The following LRTM1 variants were observed in gnomAD, a reference collection of about 807,000 sequenced individuals.
LRTM1 encodes leucine-rich repeat and transmembrane domain-containing protein 1.
Under a neutral mutation model 32.4 loss-of-function variants are expected in LRTM1, and 38 were observed. The ratio of observed to expected loss-of-function variants is 1.17; its 90% CI spans 0.91 to 1.54. LRTM1 has a LOEUF of 1.54. Ranked by LOEUF, LRTM1 falls within the 40% of genes most tolerant of loss-of-function variation. LRTM1 has a pLI of 0.00. For missense variants in LRTM1, 466 were observed against 415.4 expected (o/e 1.12, Z -1.06); for synonymous variants, 186 against 169.9 (o/e 1.09, Z -0.74).
chr3:54,958,745 C>G (rs1701962647), intron 1 of LRTM1, among the ~76,000 whole-genome samples: 1 of 152,018 alleles, frequency 6.6e-6, no homozygotes, highest in Non-Finnish European at 1.5e-5. Flanking sequence ...GAGATCACCC[C>G]AGGTCATTGC....
At chr3:54,949,777 A>G (rs1701709465) in intron 1 of LRTM1, among the ~76,000 whole-genome samples, 1 of 147,804 alleles carries the variant, frequency 6.8e-6, no homozygotes, top group Non-Finnish European at 1.5e-5. Flanking sequence ...AGATAGATGC[A>G]TCCTTAGGCT....
At chr3:54,958,468 G>A (rs1329043374) in intron 1 of LRTM1, among the ~76,000 whole-genome samples, 1 of 152,214 alleles carries the variant, frequency 6.6e-6, no homozygotes, top group African/African-American at 2.4e-5. Context: ...AACCTTGATA[G>A]TCTTAGAAGT....
chr3:54,964,300 G>A (rs909173214), intron 1 of LRTM1, among the ~76,000 whole-genome samples: 6 of 152,172 alleles, frequency 3.9e-5, no homozygotes, highest in Admixed American at 1.3e-4. Flanking sequence ...CAGGGAGGGA[G>A]CCCTGGGACA....
chr3:54,947,197 C>T (rs1486311807), intron 1 of LRTM1, among the ~76,000 whole-genome samples: 1 of 152,136 alleles, frequency 6.6e-6, no homozygotes, highest in East Asian at 1.9e-4. Context: ...AAGTAACTTG[C>T]CTAAATCCCT....
chr3:54,938,582 C>A (rs1445024759), intron 1 of LRTM1, among the ~76,000 whole-genome samples: 1 of 152,128 alleles, frequency 6.6e-6, no homozygotes. Context: ...GAATTTGAAT[C>A]ATGCCCTGGG....
upstream of LRTM1, among the ~76,000 whole-genome samples, chr3:54,932,349 ATACGCG>A (rs144227495): frequency 0.013 from 2,042 of 152,270 alleles, 44 homozygotes; most frequent in African/African-American, 0.046. Flanking sequence ...AACCCTATAA[ATACGCG>A]TTGGTTTGTC....
upstream of LRTM1, among the ~76,000 whole-genome samples, chr3:54,932,857 G>C (rs1701225546): frequency 6.6e-6 from 1 of 152,200 alleles, no homozygotes; most frequent in South Asian, 2.1e-4. Flanking sequence ...CAGGAATAGT[G>C]GGGAGTAGGC....
intron 1 of LRTM1, among the ~76,000 whole-genome samples, chr3:54,938,888 A>G (rs1007072127): frequency 1.3e-5 from 2 of 152,122 alleles, no homozygotes; most frequent in African/African-American, 4.8e-5. Flanking sequence ...TGCCATGGGC[A>G]GTGGACATGC....
chr3:54,966,831 A>T lies in LRTM1; in HGVS notation c.-222+97T>A, dbSNP rs546659514. 2.6e-5 allele frequency: 4 copies of T among 152,432 alleles called. No homozygotes were observed. In the East Asian group the frequency reaches 7.7e-4, roughly 29 times the overall value. 9.4% of individuals were successfully genotyped at this position (152,432 alleles called of 1,614,324 possible). Reference sequence around the variant, plus strand: ...GAGATTCTGTCTCAAACAAACAAACAAACAAACGATTCGCATAGGTGTTAC... The same window carrying T: ...GAGATTCTGTCTCAAACAAACAAACTAACAAACGATTCGCATAGGTGTTAC... On this transcript the variant is annotated intron_variant, in intron 1 of 2. Transcript: ENST00000493075.
intron 1 of LRTM1, among the ~76,000 whole-genome samples, chr3:54,927,583 T>G (rs1453406956): frequency 2.0e-5 from 3 of 152,174 alleles, no homozygotes; most frequent in Non-Finnish European, 2.9e-5. Flanking sequence ...GTAGCCAATT[T>G]GTTCATTCTT....
exon 1 of LRTM1, chr3:54,967,035 C>T (rs1702168450): frequency 6.6e-6 from 1 of 152,210 alleles, no homozygotes; most frequent in African/African-American, 2.4e-5. Context: ...ACGAAGGACA[C>T]TTAAGGCAGA....
chr3:54,950,496 T>G (rs767562690), intron 1 of LRTM1, among the ~76,000 whole-genome samples: 4 of 152,172 alleles, frequency 2.6e-5, no homozygotes, highest in Non-Finnish European at 4.4e-5. Context: ...TGACAATAAT[T>G]ATAATTAAGA....
chr3:54,935,702 A>G (rs915373545), intron 1 of LRTM1, among the ~76,000 whole-genome samples: 1 of 152,174 alleles, frequency 6.6e-6, no homozygotes, highest in Non-Finnish European at 1.5e-5. Context: ...CTATAACGTG[A>G]TAGTTCAGTT....
intron 1 of LRTM1, among the ~76,000 whole-genome samples, chr3:54,943,463 A>G (rs1913914): frequency 6.6e-6 from 1 of 152,070 alleles, no homozygotes; most frequent in Non-Finnish European, 1.5e-5. Flanking sequence ...CACCAACATG[A>G]CTGTATGCCC....
chr3:54,951,214 G>A (rs1416143163), intron 1 of LRTM1, among the ~76,000 whole-genome samples: 1 of 152,168 alleles, frequency 6.6e-6, no homozygotes, highest in East Asian at 1.9e-4. Flanking sequence ...TGCTTGTGCT[G>A]CACTTTGGTG....
chr3:54,933,102 TTCCTTCC>T (rs1701242681), intron 1 of LRTM1, among the ~76,000 whole-genome samples: 1 of 114,658 alleles, frequency 8.7e-6, no homozygotes, highest in Non-Finnish European at 1.9e-5. Context: ...CCTTCCTTCC[TTCCTTCC>T]TTCCTTCTTT....
chr3:54,918,902 A>G lies in LRTM1; in HGVS notation c.605-10T>C. 6.6e-7 allele frequency: 1 copy of G among 1,516,082 alleles called. No homozygotes were observed. The highest frequency in any genetic ancestry group is 8.8e-7 in the Non-Finnish European group (1 of 1,132,010). The allele number at this position is 1,516,082 out of a possible 1,614,324, so 93.9% of individuals were successfully genotyped here. A position where few individuals can be genotyped will look rare whatever the true frequency, so the allele number is the denominator to read the frequency against. On this transcript the variant is annotated splice_polypyrimidine_tract_variant and intron_variant, in intron 2 of 2. Coordinates refer to ENST00000273286, the MANE Select transcript of LRTM1 (RefSeq NM_020678.4). ...CCGTCTGTTAGTCCCCCTTTAAAAA[A>G]CAAAAGCAAAGAACAATAACAAAGC...
At chr3:54,958,159 A>G (rs1359030077) in intron 1 of LRTM1, among the ~76,000 whole-genome samples, 1 of 152,224 alleles carries the variant, frequency 6.6e-6, no homozygotes, top group Non-Finnish European at 1.5e-5. Flanking sequence ...ATAATATAAA[A>G]TGTCATTTAA....
intron 1 of LRTM1, among the ~76,000 whole-genome samples, chr3:54,951,459 G>T (rs1324563832): frequency 3.3e-5 from 5 of 152,228 alleles, no homozygotes; most frequent in African/African-American, 4.8e-5. Context: ...TTTGGTGTGC[G>T]GCCCGGGGGC....
Sources: allele counts gnomAD v4.1 joint callset (sites outside exome capture counted in the v4.1 genomes callset), GRCh38; gene constraint gnomAD v4.1.1; transcripts MANE v1.5; gene names NCBI Gene and HGNC (gene_info 2026-07-23, HGNC 2026-07-21).